SPNS2: variants seen among roughly 807,000 people sequenced by gnomAD.
SPNS2 encodes SPNS lysolipid transporter 2, sphingosine-1-phosphate, also known as sphingosine-1-phosphate transporter SPNS2.
A neutral mutation model predicts 57.6 loss-of-function variants in SPNS2; 37 were observed. The observed-to-expected ratio is 0.64, with a 90% confidence interval of 0.49 to 0.85. The LOEUF is 0.85. Ranked by LOEUF, SPNS2 falls within the 40% of genes least tolerant of loss-of-function variation. The probability of loss-of-function intolerance (pLI) is 0.00; values close to 1 mark genes in which losing one functional copy is unlikely to be tolerated. For missense variants in SPNS2, 831 were observed against 779.1 expected, an observed-to-expected ratio of 1.07 and a Z score of -0.79; for synonymous variants, 440 against 346.9, an observed-to-expected ratio of 1.27 and a Z score of -2.98.
intron 1 of SPNS2, among the ~76,000 whole-genome samples, chr17:4,507,758 G>T (rs922834621): frequency 2.0e-5 from 3 of 152,232 alleles, no homozygotes; most frequent in African/African-American, 7.2e-5. Flanking sequence ...GGAAAGCAGG[G>T]GGTACGCGGG....
chr17:4,534,920 G>T (rs527688130), intron 9 of SPNS2, among the ~76,000 whole-genome samples: 4 of 152,276 alleles, frequency 2.6e-5, no homozygotes, highest in Admixed American at 6.5e-5. Flanking sequence ...TCAGGGTCCC[G>T]GGGAAATCGC....
At chr17:4,519,507 C>A (rs534521892) in intron 2 of SPNS2, among the ~76,000 whole-genome samples, 85 of 152,274 alleles carry the variant, frequency 5.6e-4, no homozygotes, top group Middle Eastern at 3.4e-3. Context: ...CCGAGGCAGG[C>A]GGGCTGGTCT....
Position 4,532,962 on chromosome 17 carries a change from C to T in SPNS2, c.936-15C>T, listed in dbSNP as rs765815817. The T allele has an allele frequency of 3.7e-6, 6 of 1,605,486 alleles. No homozygotes were observed. The highest frequency in any genetic ancestry group is 5.1e-6 in the Non-Finnish European group (6 of 1,175,730). Reference sequence around the variant, plus strand: ...AGGTCCCTGAGCTCAGTGTCACTGCCTGGCCTCTCCCCAGCCGCAGCTACG... The same window carrying T: ...AGGTCCCTGAGCTCAGTGTCACTGCTTGGCCTCTCCCCAGCCGCAGCTACG... On this transcript the variant is annotated splice_polypyrimidine_tract_variant and intron_variant, in intron 6 of 12. Coordinates refer to ENST00000329078, the MANE Select transcript of SPNS2 (RefSeq NM_001124758.3).
At position 4,538,397 on chromosome 17, in the gene SPNS2, A is replaced by AGCTGAG. The variant is rs1432003914; in HGVS notation, c.*958_*963dup. On this transcript the variant is annotated 3_prime_UTR_variant, in exon 13 of 13. Transcript: ENST00000329078. Reference sequence around the variant, plus strand: ...CTATCCACAAAGCTTCCTGCCCCAGAGCTGAGGCTGAGGCCCCGGGAGAGG... The same window carrying AGCTGAG: ...CTATCCACAAAGCTTCCTGCCCCAGAGCTGAGGCTGAGGCTGAGGCCCCGGGAGAGG... The AGCTGAG allele has an allele frequency of 1.1e-4, 20 of 190,006 alleles. No individual in the cohort carries two copies. Among genetic ancestry groups the AGCTGAG allele is most frequent in the Admixed American group, 2.2e-4 (4 of 18,056 alleles). 11.8% of individuals were successfully genotyped at this position (190,006 alleles called of 1,614,324 possible).
At chr17:4,533,539 G>C (rs545451155) in intron 8 of SPNS2, 107 bp downstream of exon 8, 2 of 1,259,246 alleles carry the variant, frequency 1.6e-6, no homozygotes, top group East Asian at 5.0e-5. Context: ...TTCCCTCGGG[G>C]AGGCTCCTAT....
At chr17:4,500,546 C>T (rs1597356580) in intron 1 of SPNS2, among the ~76,000 whole-genome samples, 1 of 152,036 alleles carries the variant, frequency 6.6e-6, no homozygotes, top group East Asian at 1.9e-4. Context: ...CCAGAACCTG[C>T]GTAACTATAG....
At chr17:4,536,990 G>GGGA in intron 12 of SPNS2, 44 bp downstream of exon 12, 1 of 1,605,746 alleles carries the variant, frequency 6.2e-7, no homozygotes, top group Non-Finnish European at 8.5e-7. Context: ...CTAAGGAAAG[G>GGGA]GGAAGGCCAG....
intron 8 of SPNS2, 150 bp downstream of exon 8, chr17:4,533,582 CCA>C (rs1249346769): frequency 9.8e-6 from 10 of 1,017,174 alleles, no homozygotes; most frequent in Non-Finnish European, 1.3e-5. Context: ...CCCAGCCTGG[CCA>C]CACACAGCCT....
intron 9 of SPNS2, among the ~76,000 whole-genome samples, chr17:4,535,445 G>A (rs1905732678): frequency 6.6e-6 from 1 of 152,200 alleles, no homozygotes; most frequent in African/African-American, 2.4e-5. Flanking sequence ...TGTGGCGGGG[G>A]TTCAGGTTCC....
chr17:4,535,847 G>A (rs1270726253), intron 9 of SPNS2, among the ~76,000 whole-genome samples: 1 of 151,430 alleles, frequency 6.6e-6, no homozygotes, highest in Non-Finnish European at 1.5e-5. Context: ...GGTGGGAGGG[G>A]CTCAGGGAGG....
chr17:4,534,335 C>T, intron 9 of SPNS2: 1 of 193,940 alleles, frequency 5.2e-6, no homozygotes, highest in Non-Finnish European at 1.1e-5. Context: ...GAGCGGCCAG[C>T]AGGGGCTTGT....
intron 9 of SPNS2, among the ~76,000 whole-genome samples, chr17:4,534,826 G>T (rs1157709335): frequency 1.3e-5 from 2 of 152,144 alleles, no homozygotes; most frequent in African/African-American, 2.4e-5. Flanking sequence ...GGAGGAGTCC[G>T]TGCAGATTAA....
intron 3 of SPNS2, among the ~76,000 whole-genome samples, chr17:4,526,932 AGGACT>A (rs1483363613): frequency 6.6e-6 from 1 of 152,244 alleles, no homozygotes; most frequent in African/African-American, 2.4e-5. Context: ...GTCAAAAATA[AGGACT>A]GGACCAGAGG....
At chr17:4,508,827 C>T (rs1002362050) in intron 1 of SPNS2, among the ~76,000 whole-genome samples, 12 of 152,134 alleles carry the variant, frequency 7.9e-5, no homozygotes, top group African/African-American at 2.4e-4. Context: ...GACTGATGGA[C>T]GACTCTGAGG....
In SPNS2 at chr17:4,536,398, G is replaced by C. The variant is rs201456858; in HGVS notation, c.1579G>C (p.Val527Leu). ...CTTCCTCGCCACTGCGCTCTTCTTC[G>C]TCAGCGACCGCGCCAGGGCTGAGCA... ...MFFLATALFF[V>L]SDRARAEQQV... The change falls in exon 11 of 13, where the codon GTC (valine) becomes CTC (leucine). Residue 527 changes from valine to leucine, a missense_variant. By Grantham distance (32) the Val-to-Leu change is conservative. Coordinates refer to ENST00000329078, the MANE Select transcript of SPNS2 (RefSeq NM_001124758.3). The C allele has an allele frequency of 1.9e-6, 3 of 1,602,870 alleles. No homozygotes were observed. The highest frequency in any genetic ancestry group is 2.7e-5 in the African/African-American group (2 of 74,810).
chr17:4,532,927 G>C (rs747222898), intron 6 of SPNS2, 50 bp from the exon 7 acceptor site: 16 of 1,579,722 alleles, frequency 1.0e-5, no homozygotes, highest in East Asian at 2.2e-5. Flanking sequence ...GCTGCCTAGG[G>C]GGGTGAAGGA....
At chr17:4,502,379 CAAAAAA>C (rs11327895) in intron 1 of SPNS2, among the ~76,000 whole-genome samples, 1 of 138,960 alleles carries the variant, frequency 7.2e-6, no homozygotes, top group African/African-American at 2.6e-5. Flanking sequence ...GGCTCTGTCT[CAAAAAA>C]AAAAAAAAAA....
rs1401005913 is a variant in SPNS2 at position 4,512,605 on chromosome 17, A to T, written c.371-642A>T. On this transcript the variant is annotated intron_variant, in intron 1 of 12. Coordinates refer to ENST00000329078, the MANE Select transcript of SPNS2 (RefSeq NM_001124758.3). This position sits in a 1 kb window ranked among gnomAD's most constrained non-coding sequence, Gnocchi z 5.2. Reference sequence around the variant, plus strand: ...AATCTGAAAATGGAGGGGCCCGGTTATAATCCTGAGGGCAGCTGGGGTGAC... The same window carrying T: ...AATCTGAAAATGGAGGGGCCCGGTTTTAATCCTGAGGGCAGCTGGGGTGAC... Among the ~76,000 whole-genome samples the T allele has an allele frequency of 6.6e-6, 1 of 151,962 alleles. No homozygotes were observed. Among genetic ancestry groups the T allele is most frequent in the African/African-American group, 2.4e-5 (1 of 41,364 alleles).
At chr17:4,526,474 A>G (rs967273718) in intron 3 of SPNS2, among the ~76,000 whole-genome samples, 6 of 152,086 alleles carry the variant, frequency 3.9e-5, no homozygotes, top group Admixed American at 3.9e-4. Context: ...ATGGTGGTGC[A>G]TGCCTATAAT....
Sources: allele counts gnomAD v4.1 joint callset (sites outside exome capture counted in the v4.1 genomes callset), GRCh38; gene constraint gnomAD v4.1.1; non-coding constraint Gnocchi (gnomAD v3.1); transcripts MANE v1.5; gene names NCBI Gene and HGNC (gene_info 2026-07-23, HGNC 2026-07-21).